Variants in HIP1 observed in about 807,000 individuals in gnomAD.
HIP1 encodes the protein huntingtin-interacting protein 1.
In HIP1, 65 loss-of-function variants were observed where a neutral mutation model predicts 147.6. The ratio of observed to expected loss-of-function variants is 0.44; its 90% CI spans 0.36 to 0.54. The LOEUF (loss-of-function observed/expected upper bound fraction) is 0.54, where lower values mean the gene tolerates loss of function less well. Among genes scored for constraint, HIP1 ranks in the 20% least tolerant of loss-of-function variants. The probability of loss-of-function intolerance (pLI) is 0.00; values close to 1 mark genes in which losing one functional copy is unlikely to be tolerated. For synonymous variants in HIP1, 479 were observed against 504.0 expected (o/e 0.95, Z 0.67); for missense variants, 1,061 against 1,299.6 (o/e 0.82, Z 2.82).
At chr7:75,654,020 G>A (rs1799072240) in intron 1 of HIP1, among the ~76,000 whole-genome samples, 1 of 152,138 alleles carries the variant, frequency 6.6e-6, no homozygotes, top group Non-Finnish European at 1.5e-5. Flanking sequence ...CTTACAGCCA[G>A]GTCACATGCC....
At chr7:75,660,051 G>C (rs1161334260) in intron 1 of HIP1, among the ~76,000 whole-genome samples, 3 of 150,542 alleles carry the variant, frequency 2.0e-5, no homozygotes, top group South Asian at 2.1e-4. Flanking sequence ...GCGTGAACCG[G>C]AGAAGCGGAG....
At chr7:75,633,227 AG>A in intron 1 of HIP1, among the ~76,000 whole-genome samples, 1 of 152,296 alleles carries the variant, frequency 6.6e-6, no homozygotes. Context: ...AACCAAAATC[AG>A]TTTCATGATC....
At chr7:75,690,333 AC>A (rs1462406435) in intron 1 of HIP1, among the ~76,000 whole-genome samples, 5 of 152,178 alleles carry the variant, frequency 3.3e-5, no homozygotes, top group Non-Finnish European at 7.3e-5. Context: ...TCTGAAGAAG[AC>A]ATACAACTAG....
chr7:75,567,102 A>ACT (rs1325474375), intron 9 of HIP1, among the ~76,000 whole-genome samples: 1 of 151,080 alleles, frequency 6.6e-6, no homozygotes, highest in South Asian at 2.1e-4. Context: ...ACAGAGCGAG[A>ACT]CTCTGTCTCA....
intron 7 of HIP1, among the ~76,000 whole-genome samples, chr7:75,578,352 C>T (rs996266970): frequency 1.3e-5 from 2 of 152,114 alleles, no homozygotes; most frequent in Admixed American, 6.6e-5. Flanking sequence ...GAATCTCACT[C>T]ACGCCTGCAT....
Position 75,660,842 on chromosome 7 carries a change from T to G in HIP1, c.121-61595A>C, listed in dbSNP as rs536143649. Among the ~76,000 whole-genome samples, 11 of 152,102 alleles carry G rather than the reference T, an allele frequency of 7.2e-5. 1 individual carries two copies. The highest frequency in any genetic ancestry group is 2.7e-4 in the African/African-American group (11 of 41,506). ...AGAACCCCCTTCATCCTCAAAGCCC[T>G]CAGCACCCTCTCTCCATCTCTTTGT... is the stretch of plus-strand genomic sequence containing the variant. On this transcript the variant is annotated intron_variant, in intron 1 of 30. Coordinates refer to ENST00000336926, the MANE Select transcript of HIP1 (RefSeq NM_005338.7).
At chr7:75,660,234 A>T (rs1484405359) in intron 1 of HIP1, among the ~76,000 whole-genome samples, 1 of 138,074 alleles carries the variant, frequency 7.2e-6, no homozygotes, top group Non-Finnish European at 1.6e-5. Flanking sequence ...AAAAAAAAAA[A>T]TGGCAGCATG....
chr7:75,612,233 G>A (rs1480047610), intron 1 of HIP1, among the ~76,000 whole-genome samples: 3 of 152,180 alleles, frequency 2.0e-5, no homozygotes. Context: ...AGAGGAGGCC[G>A]GGCACGGTGG....
intron 1 of HIP1, among the ~76,000 whole-genome samples, chr7:75,616,085 C>CAAAAA (rs71098042): frequency 0.018 from 590 of 33,582 alleles, 59 homozygotes; most frequent in African/African-American, 0.048. Context: ...GACTCTGTCT[C>CAAAAA]AAAAAAAAAA....
At chr7:75,609,105 G>A (rs371081036) in intron 1 of HIP1, among the ~76,000 whole-genome samples, 1 of 152,156 alleles carries the variant, frequency 6.6e-6, no homozygotes, top group Admixed American at 6.5e-5. Flanking sequence ...CTAAACCAGC[G>A]GCTACAAGGC....
In HIP1 at chr7:75,586,818, C is replaced by T. The variant is rs781966069; in HGVS notation, c.400G>A (p.Gly134Arg). ...MSRMWGHLSEGYGQLCSIYLK... is the reference protein window; with the variant it reads ...MSRMWGHLSERYGQLCSIYLK... The stretch of plus-strand genomic sequence containing the variant: ...TAGATGCTGCACAGCTGGCCATACC[C>T]CTCGCTCAGGTGGCCCTTTTAGGAA... The change falls in exon 5 of 31, where the codon GGG becomes AGG. Residue 134 changes from glycine to arginine, a missense_variant. By Grantham distance (125) the Gly-to-Arg change is moderately radical. Coordinates refer to ENST00000336926, the MANE Select transcript of HIP1 (RefSeq NM_005338.7). The T allele has an allele frequency of 8.7e-6, 14 of 1,612,586 alleles. No homozygotes were observed. The highest frequency in any genetic ancestry group is 9.3e-6 in the Non-Finnish European group (11 of 1,178,770).
intron 1 of HIP1, among the ~76,000 whole-genome samples, chr7:75,668,910 T>C (rs1799643583): frequency 2.0e-5 from 3 of 152,308 alleles, no homozygotes; most frequent in Middle Eastern, 6.8e-3. Flanking sequence ...TTCCAGGACA[T>C]TTTCATCACC....
intron 1 of HIP1, among the ~76,000 whole-genome samples, chr7:75,616,584 G>GGGAGGAGGAGGAGGAGGAGGAGGAGGA (rs782489721): frequency 6.8e-6 from 1 of 146,062 alleles, no homozygotes; most frequent in African/African-American, 2.5e-5. Context: ...TTTAAGGGTG[G>GGGAGGAGGAGGAGGAGGAGGAGGAGGA]GGAGGAGGAG....
intron 1 of HIP1, among the ~76,000 whole-genome samples, chr7:75,700,968 G>A (rs1372776587): frequency 2.0e-5 from 3 of 151,998 alleles, no homozygotes; most frequent in Admixed American, 6.6e-5. Flanking sequence ...GCCTCCTAAA[G>A]TGCTGGGACT....
In HIP1 at chr7:75,535,329, C is replaced by G. The variant is rs1794044052; in HGVS notation, c.*2843G>C. 5.1e-6 allele frequency: 1 copy of G among 195,240 alleles called. No homozygotes were observed. Among genetic ancestry groups the G allele is most frequent in the South Asian group, 1.9e-4 (1 of 5,178 alleles). 12.1% of individuals were successfully genotyped at this position (195,240 alleles called of 1,614,324 possible). A position where few individuals can be genotyped will look rare whatever the true frequency, so the allele number is the denominator to read the frequency against. Reference sequence around the variant, plus strand: ...GTGGGAAATCATGGCTCATTGCAGCCTCAAACTCCTGGGCTGGGCTCTGAC... The same window carrying G: ...GTGGGAAATCATGGCTCATTGCAGCGTCAAACTCCTGGGCTGGGCTCTGAC... On this transcript the variant is annotated 3_prime_UTR_variant, in exon 31 of 31. Coordinates refer to ENST00000336926, the MANE Select transcript of HIP1 (RefSeq NM_005338.7).
At chr7:75,679,102 C>CG (rs1360399414) in intron 1 of HIP1, among the ~76,000 whole-genome samples, 1 of 41,248 alleles carries the variant, frequency 2.4e-5, no homozygotes, top group Admixed American at 1.8e-4. Flanking sequence ...CCAGCTATGA[C>CG]CCCCCTTCTT....
intron 1 of HIP1, among the ~76,000 whole-genome samples, chr7:75,730,891 C>G (rs1190653690): frequency 6.6e-6 from 1 of 151,232 alleles, no homozygotes; most frequent in African/African-American, 2.4e-5. Context: ...TGCACCACCA[C>G]GCCCAGCTAA....
chr7:75,556,446 C>G (rs1795009281), intron 17 of HIP1, among the ~76,000 whole-genome samples: 1 of 152,100 alleles, frequency 6.6e-6, no homozygotes. Context: ...CTTTAGGAGG[C>G]TGAGGTGGGA....
At chr7:75,724,084 G>C (rs1801583248) in intron 1 of HIP1, among the ~76,000 whole-genome samples, 1 of 152,122 alleles carries the variant, frequency 6.6e-6, no homozygotes, top group Admixed American at 6.6e-5. Context: ...AGCCTCCTGA[G>C]TAGTTGGGAT....
Sources: allele counts gnomAD v4.1 joint callset (sites outside exome capture counted in the v4.1 genomes callset), GRCh38; gene constraint gnomAD v4.1.1; transcripts MANE v1.5; gene names NCBI Gene and HGNC (gene_info 2026-07-23, HGNC 2026-07-21).